Variants in MAB21L4 observed in about 807,000 individuals in gnomAD.
The protein encoded by MAB21L4 is mab-21 like 4.
In MAB21L4, 25 loss-of-function variants were observed where a neutral mutation model predicts 32.4. The ratio of observed to expected loss-of-function variants is 0.77; its 90% CI spans 0.56 to 1.08. The LOEUF is 1.08. Ranked by LOEUF, MAB21L4 falls within the 50% of genes least tolerant of loss-of-function variation. The probability of loss-of-function intolerance (pLI) is 0.00; values close to 1 mark genes in which losing one functional copy is unlikely to be tolerated. For missense variants in MAB21L4, 638 were observed against 611.0 expected, an observed-to-expected ratio of 1.04 and a Z score of -0.47; for synonymous variants, 280 against 276.8, an observed-to-expected ratio of 1.01 and a Z score of -0.11.
In MAB21L4 at chr2:240,895,519, AT is replaced by A. The variant is rs747125003; in HGVS notation, c.478del (p.Ile160SerfsTer15). 6.3e-7 allele frequency: 1 copy of A among 1,594,368 alleles called. No homozygotes were observed. The highest frequency in any genetic ancestry group is 1.1e-5 in the South Asian group (1 of 88,962). On this transcript the variant is annotated frameshift_variant, in exon 1 of 5. Transcript: ENST00000388934. LOFTEE classifies it high-confidence loss of function. ...GAGACTGTGGTGCTTGCAGTGTACG[AT>A]GGCTGCTACCAGCAGGTCCTTGAGG... ...CVLKDLLVAA[I>X]VHCKHHSLIA...
intron 1 of MAB21L4, among the ~76,000 whole-genome samples, chr2:240,894,126 C>T (rs2059171952): frequency 6.6e-6 from 1 of 151,862 alleles, no homozygotes; most frequent in African/African-American, 2.4e-5. Flanking sequence ...ACACCCTTCC[C>T]CAGAACCCAC....
At chr2:240,891,284 G>GC (rs1221071510) in intron 2 of MAB21L4, among the ~76,000 whole-genome samples, 13 of 152,216 alleles carry the variant, frequency 8.5e-5, no homozygotes, top group Non-Finnish European at 1.8e-4. Context: ...GTCTAGGGCA[G>GC]CCATCCACAA....
chr2:240,891,549 G>T lies in MAB21L4; in HGVS notation c.729C>A (p.Ala243=). ...GAGGGTGCGCCTACCTCCAGAGCTG[G>T]GCGCTGGCCGGCACCAGGTCCACCC... ...SQGVDLVPAS[A]QLWRTSTDYL... The change falls in exon 2 of 5, where the codon GCC becomes GCA. Residue 243 remains alanine (A), a synonymous_variant. Transcript: ENST00000388934. 6.2e-7 allele frequency: 1 copy of T among 1,609,868 alleles called. No homozygotes were observed. Among genetic ancestry groups the T allele is most frequent in the Non-Finnish European group, 8.5e-7 (1 of 1,179,172 alleles).
intron 3 of MAB21L4, 57 bp downstream of exon 3, chr2:240,889,948 G>A (rs541404662): frequency 6.4e-7 from 1 of 1,551,896 alleles, no homozygotes; most frequent in African/African-American, 1.3e-5. Flanking sequence ...ACACGCCTGG[G>A]TGCACCTACC....
At chr2:240,889,071 C>T (rs1053989682) in intron 3 of MAB21L4, among the ~76,000 whole-genome samples, 3 of 152,168 alleles carry the variant, frequency 2.0e-5, no homozygotes, top group Non-Finnish European at 4.4e-5. Context: ...GTGCTCATGA[C>T]CCCTGGCCTG....
intron 3 of MAB21L4, 103 bp from the exon 4 acceptor site, chr2:240,888,751 T>C: frequency 1.4e-6 from 1 of 735,726 alleles, no homozygotes; most frequent in Non-Finnish European, 2.0e-6. Flanking sequence ...TCCCTGCTCC[T>C]ACCCACACCT....
intron 3 of MAB21L4, among the ~76,000 whole-genome samples, chr2:240,888,858 CCT>C (rs2059120480): frequency 6.6e-6 from 1 of 151,882 alleles, no homozygotes; most frequent in Non-Finnish European, 1.5e-5. Flanking sequence ...GGCATGAACC[CCT>C]CTCTCTCCTC....
intron 1 of MAB21L4, among the ~76,000 whole-genome samples, chr2:240,894,769 G>A (rs2059175573): frequency 6.6e-6 from 1 of 150,532 alleles, no homozygotes; most frequent in African/African-American, 2.5e-5. Flanking sequence ...TTGCACTCCA[G>A]CCTGGGTGAC....
chr2:240,887,659 A>T (rs78888743), intron 4 of MAB21L4, among the ~76,000 whole-genome samples: 4,790 of 152,292 alleles, frequency 0.031, 403 homozygotes, highest in East Asian at 0.31. Flanking sequence ...CCACTAGGAC[A>T]CAGGAGAGGG....
intron 1 of MAB21L4, among the ~76,000 whole-genome samples, chr2:240,893,225 G>A (rs542837218): frequency 8.5e-5 from 13 of 152,144 alleles, no homozygotes; most frequent in African/African-American, 2.7e-4. Context: ...CCATCCCACC[G>A]CCCCAGGGTC....
rs1016217421 is a variant in MAB21L4, at chr2:240,891,579, G to T, written c.699C>A (p.Ser233Arg). The T allele has an allele frequency of 2.9e-5, 47 of 1,611,014 alleles. No homozygotes were observed. Among genetic ancestry groups the T allele is most frequent in the Non-Finnish European group, 3.8e-5 (45 of 1,179,926 alleles). The change falls in exon 2 of 5, where the codon AGC becomes AGA. Residue 233 changes from serine to arginine, a missense_variant. Transcript: ENST00000388934. Reference sequence around the variant, plus strand: ...TGGCCGGCACCAGGTCCACCCCTTGGCTGAGGATCCTTCTCAAGCTGCCCT... The same window carrying T: ...TGGCCGGCACCAGGTCCACCCCTTGTCTGAGGATCCTTCTCAAGCTGCCCT... Reference protein sequence around the residue: ...FPEGSLRRILSQGVDLVPASA... With the variant: ...FPEGSLRRILRQGVDLVPASA...
In MAB21L4 at chr2:240,888,302, A is replaced by G; in HGVS notation, c.1241T>C (p.Leu414Pro). Reference protein sequence around the residue: ...TYWATAYFDVLLDKFQVFNIQ... With the variant: ...TYWATAYFDVPLDKFQVFNIQ... ...GCAGCCAGCACCCACCTTGTCCAGC[A>G]GGACGTCGAAGTAGGCAGTGGCCCA... Residue 414 changes from leucine (L) to proline (P), a missense_variant, in exon 4 of 5, where the codon CTG (leucine) becomes CCG (proline). Leu to Pro is a moderately conservative substitution (Grantham distance 98, BLOSUM62 -3). Transcript: ENST00000388934. 7 of 1,563,946 alleles carry G rather than the reference A, an allele frequency of 4.5e-6. No individual in the cohort carries two copies. Among genetic ancestry groups the G allele is most frequent in the Non-Finnish European group, 6.0e-6 (7 of 1,159,656 alleles).
intron 1 of MAB21L4, chr2:240,892,143 A>T (rs6724662): frequency 1.8e-6 from 2 of 1,102,822 alleles, no homozygotes; most frequent in Non-Finnish European, 2.4e-6. Flanking sequence ...GAGCCTGCTC[A>T]CTCTGCCCCA....
intron 1 of MAB21L4, chr2:240,892,107 C>G: frequency 7.4e-7 from 1 of 1,358,604 alleles, no homozygotes; most frequent in East Asian, 2.7e-5. Flanking sequence ...CAGGACCACG[C>G]CTGCTGTGCC....
Position 240,890,121 on chromosome 2 carries a change from C to T in MAB21L4, c.778G>A (p.Glu260Lys). The T allele has an allele frequency of 6.2e-6, 10 of 1,611,324 alleles. No individual in the cohort carries two copies. The highest frequency in any genetic ancestry group is 7.6e-6 in the Non-Finnish European group (9 of 1,178,418). ...TDYLLTRLLG[E>K]LGSLQGHRLD... ...CGATGACCCTGCAGGGAGCCCAGCT[C>T]CCCCAGCAGCCTCGTGAGCAGGTAG... The change falls in exon 3 of 5, where the codon GAG becomes AAG. Residue 260 changes from glutamate (E) to lysine (K), a missense_variant. Glu to Lys is a moderately conservative substitution (Grantham distance 56). Transcript: ENST00000388934.
rs2059117653 is a variant in MAB21L4 at position 240,888,592 on chromosome 2, C to A, written c.951G>T (p.Leu317=). The A allele has an allele frequency of 6.2e-7, 1 of 1,604,564 alleles. No homozygotes were observed. Among genetic ancestry groups the A allele is most frequent in the Non-Finnish European group, 8.5e-7 (1 of 1,176,322 alleles). ...LFLAPEDWAE[L]QGAVYRLLVV... is the part of the protein sequence containing the mutation. ...CCAGCAGGCGGTACACGGCGCCCTG[C>A]AGTTCTGCCCAGTCCTCGGGCGCCA... The change falls in exon 4 of 5, where the codon CTG becomes CTT. Residue 317 remains leucine, a synonymous_variant. Transcript: ENST00000388934.
In MAB21L4 at chr2:240,888,764, T is replaced by G. The variant is rs1430030169; in HGVS notation, c.895-116A>C. 8 of 671,618 alleles carry G rather than the reference T, an allele frequency of 1.2e-5. No homozygotes were observed. In the East Asian group the frequency reaches 2.7e-4, roughly 23 times the overall value. 41.6% of individuals were successfully genotyped at this position (671,618 alleles called of 1,614,324 possible). A position where few individuals can be genotyped will look rare whatever the true frequency, so the allele number is the denominator to read the frequency against. The stretch of plus-strand genomic sequence containing the variant: ...CCTCCCTGCTCCTACCCACACCTCT[T>G]CCTACCCTGTGCCCTCCCCTCCACG... On this transcript the variant is annotated intron_variant, in intron 3 of 4. Coordinates refer to ENST00000388934, the MANE Select transcript of MAB21L4 (RefSeq NM_001085437.3).
At chr2:240,891,836 G>T (rs766386211) in intron 1 of MAB21L4, 73 bp from the exon 2 acceptor site, 1 of 1,596,820 alleles carries the variant, frequency 6.3e-7, no homozygotes, top group Non-Finnish European at 8.5e-7. Context: ...CCCTCCTCCT[G>T]CTGCCAACTT....
chr2:240,888,466 G>C lies in MAB21L4; in HGVS notation c.1077C>G (p.Tyr359Ter), dbSNP rs1426443819. 6.3e-7 allele frequency: 1 copy of C among 1,593,804 alleles called. No homozygotes were observed. The highest frequency in any genetic ancestry group is 1.1e-5 in the South Asian group (1 of 88,994). ...QGSGLDLGAI[Y>*]QRVEGFASQP... ...GGCTGGCGAAGCCCTCCACGCGCTG[G>C]TAGATGGCACCAAGGTCCAGGCCGC... Residue 359 changes from tyrosine to a stop codon, truncating the protein, a stop_gained, in exon 4 of 5, where the codon TAC (tyrosine) becomes TAG (stop). Coordinates refer to ENST00000388934, the MANE Select transcript of MAB21L4 (RefSeq NM_001085437.3). LOFTEE classifies it high-confidence loss of function.
Sources: allele counts gnomAD v4.1 joint callset (sites outside exome capture counted in the v4.1 genomes callset), GRCh38; gene constraint gnomAD v4.1.1; transcripts MANE v1.5; gene names NCBI Gene and HGNC (gene_info 2026-07-23, HGNC 2026-07-21).